The following PRDM5 variants were observed in gnomAD, a reference collection of about 807,000 sequenced individuals.
PRDM5 encodes PR domain zinc finger protein 5.
Under a neutral mutation model 81.2 loss-of-function variants are expected in PRDM5, and 56 were observed. The ratio of observed to expected loss-of-function variants is 0.69; its 90% CI spans 0.56 to 0.86. The LOEUF is 0.86. Ranked by LOEUF, PRDM5 falls within the 40% of genes least tolerant of loss-of-function variation. PRDM5 has a pLI of 0.00. For missense variants in PRDM5, 697 were observed against 770.1 expected (o/e 0.91, Z 1.12); for synonymous variants, 267 against 256.4 (o/e 1.04, Z -0.39).
intron 3 of PRDM5, among the ~76,000 whole-genome samples, chr4:120,839,529 C>A (rs964816489): frequency 6.6e-6 from 1 of 152,196 alleles, no homozygotes; most frequent in Non-Finnish European, 1.5e-5. Context: ...CTGCTCTGCT[C>A]TGGCTGAGCC....
At chr4:120,884,818 C>A (rs1284710495) in intron 2 of PRDM5, among the ~76,000 whole-genome samples, 1 of 151,998 alleles carries the variant, frequency 6.6e-6, no homozygotes, top group Non-Finnish European at 1.5e-5. Context: ...TAGGTTATGC[C>A]TGACTGGAAT....
At chr4:120,709,463 T>G (rs1736642817) in intron 15 of PRDM5, among the ~76,000 whole-genome samples, 1 of 152,208 alleles carries the variant, frequency 6.6e-6, no homozygotes. Flanking sequence ...CACTGAAGTT[T>G]CATGGAAGGA....
intron 13 of PRDM5, among the ~76,000 whole-genome samples, chr4:120,755,935 C>T (rs910286932): frequency 2.0e-5 from 3 of 152,180 alleles, no homozygotes; most frequent in Non-Finnish European, 4.4e-5. Flanking sequence ...TGGTGACAAA[C>T]ACCCAAAGTA....
At chr4:120,725,274 GT>G (rs34278955) in intron 14 of PRDM5, among the ~76,000 whole-genome samples, 68,734 of 144,966 alleles carry the variant, frequency 0.47, 16,450 homozygotes, top group East Asian at 0.69. Flanking sequence ...ATATACAGTT[GT>G]TTTTTTTTTT....
chr4:120,895,172 A>G (rs1225688305), intron 2 of PRDM5, among the ~76,000 whole-genome samples: 1 of 152,238 alleles, frequency 6.6e-6, no homozygotes, highest in Admixed American at 6.5e-5. Flanking sequence ...AGCACCCTCC[A>G]GCTTCCAGCA....
At chr4:120,877,193 T>C (rs1343118672) in intron 2 of PRDM5, among the ~76,000 whole-genome samples, 1 of 152,130 alleles carries the variant, frequency 6.6e-6, no homozygotes, top group African/African-American at 2.4e-5. Flanking sequence ...ATGAGGTAAG[T>C]TCAGCTATAT....
At chr4:120,689,688 CT>C (rs1256148127), downstream of PRDM5, among the ~76,000 whole-genome samples, 1 of 151,634 alleles carries the variant, frequency 6.6e-6, no homozygotes, top group East Asian at 1.9e-4. Flanking sequence ...CTCACTGCTA[CT>C]TCCGCCTCCA....
At chr4:120,806,384 T>G (rs564873104) in intron 8 of PRDM5, among the ~76,000 whole-genome samples, 1 of 152,304 alleles carries the variant, frequency 6.6e-6, no homozygotes, top group African/African-American at 2.4e-5. Context: ...AAAGCCCACA[T>G]TGCCAAGACA....
At chr4:120,756,180 AAC>A (rs1744710787) in intron 13 of PRDM5, among the ~76,000 whole-genome samples, 1 of 152,216 alleles carries the variant, frequency 6.6e-6, no homozygotes, top group Admixed American at 6.5e-5. Context: ...CTGAGTTGAT[AAC>A]ACATGCTTAT....
chr4:120,700,900 G>A (rs915268958), intron 15 of PRDM5, among the ~76,000 whole-genome samples: 9 of 152,124 alleles, frequency 5.9e-5, no homozygotes, highest in South Asian at 4.1e-4. Context: ...CAAGGTGGGC[G>A]GATCACCTGA....
At position 120,855,239 on chromosome 4, in the gene PRDM5, T is replaced by C. The variant is rs9997435; in HGVS notation, c.178-1699A>G. ...GTTTCTCAAACAATTCCTGTTTTCT[T>C]AAGTGCCCAAGGATCCTCAATAATG... is the stretch of plus-strand genomic sequence containing the variant. On this transcript the variant is annotated intron_variant, in intron 2 of 15. Coordinates refer to ENST00000264808, the MANE Select transcript of PRDM5 (RefSeq NM_018699.4). Among the ~76,000 whole-genome samples the C allele has an allele frequency of 8.5e-3, 1,297 of 152,300 alleles. 21 individuals carry two copies. The highest frequency in any genetic ancestry group is 0.03 in the African/African-American group (1,239 of 41,554).
At chr4:120,832,693 A>T (rs1756867155) in intron 3 of PRDM5, among the ~76,000 whole-genome samples, 1 of 152,100 alleles carries the variant, frequency 6.6e-6, no homozygotes, top group East Asian at 1.9e-4. Context: ...TATGAGAAAA[A>T]AATTGTCATT....
intron 14 of PRDM5, among the ~76,000 whole-genome samples, chr4:120,736,352 A>T (rs1446317576): frequency 6.6e-6 from 1 of 152,000 alleles, no homozygotes; most frequent in Non-Finnish European, 1.5e-5. Flanking sequence ...TTTTTGATAT[A>T]ATGATTTCTT....
In PRDM5 at chr4:120,693,950, T is replaced by C. The variant is rs969095571; in HGVS notation, c.*1161A>G. The C allele has an allele frequency of 6.6e-6, 1 of 152,164 alleles. No homozygotes were observed. The highest frequency in any genetic ancestry group is 2.4e-5 in the African/African-American group (1 of 41,456). 9.4% of individuals were successfully genotyped at this position (152,164 alleles called of 1,614,324 possible). A position where few individuals can be genotyped will look rare whatever the true frequency, so the allele number is the denominator to read the frequency against. ...AAATATAACCTAAAGGAAGAAATTA[T>C]GCTTCTTGCTTCAATTTCCCTTAAG... On this transcript the variant is annotated 3_prime_UTR_variant, in exon 16 of 16. Transcript: ENST00000264808.
At chr4:120,713,980 C>G (rs1343796073) in intron 14 of PRDM5, among the ~76,000 whole-genome samples, 1 of 152,142 alleles carries the variant, frequency 6.6e-6, no homozygotes, top group Non-Finnish European at 1.5e-5. Context: ...CCATTCATGA[C>G]AGCTATACCC....
intron 13 of PRDM5, among the ~76,000 whole-genome samples, chr4:120,756,882 T>C (rs1166343878): frequency 1.3e-5 from 2 of 152,182 alleles, no homozygotes; most frequent in African/African-American, 2.4e-5. Flanking sequence ...TAACATGTTA[T>C]TTTACACTTA....
intron 14 of PRDM5, among the ~76,000 whole-genome samples, chr4:120,716,732 T>C (rs1276336676): frequency 2.0e-5 from 3 of 152,142 alleles, no homozygotes; most frequent in Non-Finnish European, 4.4e-5. Flanking sequence ...TTATAGTGAA[T>C]GTCATCAAAG....
intron 1 of PRDM5, among the ~76,000 whole-genome samples, chr4:120,918,774 G>A (rs894333320): frequency 1.3e-5 from 2 of 151,928 alleles, no homozygotes; most frequent in East Asian, 1.9e-4. Context: ...GAATCTGAGA[G>A]GCAACTGTGA....
chr4:120,868,157 C>CT (rs1198539681), intron 2 of PRDM5, among the ~76,000 whole-genome samples: 1 of 152,068 alleles, frequency 6.6e-6, no homozygotes, highest in Non-Finnish European at 1.5e-5. Context: ...AGTTCTTGGG[C>CT]TTTTTTACCT....
Sources: allele counts gnomAD v4.1 joint callset (sites outside exome capture counted in the v4.1 genomes callset), GRCh38; gene constraint gnomAD v4.1.1; transcripts MANE v1.5; gene names NCBI Gene and HGNC (gene_info 2026-07-23, HGNC 2026-07-21).